ARMC9: variants seen among roughly 807,000 people sequenced by gnomAD.
ARMC9 encodes armadillo repeat containing 9.
A neutral mutation model predicts 107.0 loss-of-function variants in ARMC9; 94 were observed. The observed-to-expected ratio is 0.88, with a 90% CI of 0.74 to 1.04. The LOEUF (loss-of-function observed/expected upper bound fraction) is 1.04. Ranked by LOEUF, ARMC9 falls within the 50% of genes least tolerant of loss-of-function variation. ARMC9 has a pLI of 0.00. For synonymous variants in ARMC9, 380 were observed against 396.9 expected, an observed-to-expected ratio of 0.96 and a Z score of 0.51; for missense variants, 942 against 1,030.1, an observed-to-expected ratio of 0.91 and a Z score of 1.17.
At chr2:231,340,723 C>T (rs1464800771) in intron 20 of ARMC9, among the ~76,000 whole-genome samples, 1 of 151,986 alleles carries the variant, frequency 6.6e-6, no homozygotes, top group Non-Finnish European at 1.5e-5. Context: ...CCCGTCTCTA[C>T]TAAAAACACA....
chr2:231,278,337 C>T (rs373436971), intron 15 of ARMC9, 45 bp from the exon 16 acceptor site: 29 of 1,592,224 alleles, frequency 1.8e-5, no homozygotes, highest in Non-Finnish European at 2.5e-5. Flanking sequence ...AATTGTGCTT[C>T]TGGGTTTAGA....
chr2:231,209,174 G>T (rs61159016), intron 3 of ARMC9, among the ~76,000 whole-genome samples: 1 of 152,008 alleles, frequency 6.6e-6, no homozygotes, highest in Non-Finnish European at 1.5e-5. Flanking sequence ...AAGTGCTGAG[G>T]TTACAGATGT....
intron 11 of ARMC9, among the ~76,000 whole-genome samples, chr2:231,260,766 G>A (rs368813918): frequency 6.6e-6 from 1 of 152,192 alleles, no homozygotes; most frequent in East Asian, 1.9e-4. Context: ...TACTGACGCT[G>A]CACTTCCTCT....
At chr2:231,280,365 TG>T (rs1249737296) in intron 16 of ARMC9, among the ~76,000 whole-genome samples, 3 of 152,094 alleles carry the variant, frequency 2.0e-5, no homozygotes, top group Non-Finnish European at 4.4e-5. Flanking sequence ...GGCTGAGGCA[TG>T]AGAATCACTT....
intron 21 of ARMC9, among the ~76,000 whole-genome samples, chr2:231,345,818 T>C (rs576767383): frequency 1.0e-3 from 155 of 152,342 alleles, no homozygotes; most frequent in African/African-American, 3.7e-3. Flanking sequence ...TAAAAGAATA[T>C]ACCGTGTTTT....
chr2:231,300,106 T>G (rs749058001), intron 19 of ARMC9, among the ~76,000 whole-genome samples: 3 of 152,208 alleles, frequency 2.0e-5, no homozygotes, highest in Non-Finnish European at 4.4e-5. Flanking sequence ...ACAGCCAGTT[T>G]CCTTGTATGG....
intron 11 of ARMC9, among the ~76,000 whole-genome samples, chr2:231,261,665 A>T (rs55775943): frequency 2.6e-5 from 4 of 152,016 alleles, no homozygotes; most frequent in African/African-American, 9.7e-5. Context: ...TCCTGCAGGG[A>T]CCAGCTCCTG....
chr2:231,218,010 C>CA (rs529935446), intron 5 of ARMC9, among the ~76,000 whole-genome samples: 6 of 152,058 alleles, frequency 3.9e-5, no homozygotes, highest in Admixed American at 6.6e-5. Flanking sequence ...TTTTTGGAGA[C>CA]AGAGTCTCAT....
chr2:231,292,313 C>T (rs951543703), intron 18 of ARMC9, among the ~76,000 whole-genome samples: 1 of 152,090 alleles, frequency 6.6e-6, no homozygotes, highest in African/African-American at 2.4e-5. Flanking sequence ...TGTAAGTTCT[C>T]TTTATGTGGC....
intron 13 of ARMC9, among the ~76,000 whole-genome samples, chr2:231,272,187 G>GT (rs56201225): frequency 0.12 from 11,597 of 99,608 alleles, 1,067 homozygotes; most frequent in African/African-American, 0.26. Context: ...TGTGTGTTTG[G>GT]TTTTTTTTTT....
intron 19 of ARMC9, among the ~76,000 whole-genome samples, chr2:231,317,351 A>C (rs2042757237): frequency 6.6e-6 from 1 of 151,692 alleles, no homozygotes; most frequent in South Asian, 2.1e-4. Context: ...TTATATTTTT[A>C]GTCGAGGCAG....
intron 19 of ARMC9, among the ~76,000 whole-genome samples, chr2:231,328,830 T>TTTTTTTTTTTTTTTTTTTTTTTTTTG (rs1208039563): frequency 6.9e-6 from 1 of 144,762 alleles, no homozygotes; most frequent in African/African-American, 2.5e-5. Flanking sequence ...TTTTTTTTTT[T>TTTTTTTTTTTTTTTTTTTTTTTTTTG]TTGAGTCGGA....
intron 9 of ARMC9, among the ~76,000 whole-genome samples, chr2:231,252,664 T>A (rs1334797366): frequency 6.6e-6 from 1 of 152,134 alleles, no homozygotes; most frequent in East Asian, 1.9e-4. Flanking sequence ...TGATACAGGG[T>A]CTCACTCTGT....
chr2:231,366,900 G>A (rs78025964), intron 23 of ARMC9, among the ~76,000 whole-genome samples: 2,347 of 149,422 alleles, frequency 0.016, 177 homozygotes, highest in Admixed American at 0.11. Flanking sequence ...GCCCAGGCTA[G>A]AGTGCAGTGG....
intron 17 of ARMC9, among the ~76,000 whole-genome samples, chr2:231,283,300 T>C (rs1380533987): frequency 1.3e-5 from 2 of 152,046 alleles, no homozygotes; most frequent in Non-Finnish European, 2.9e-5. Flanking sequence ...AATGAAGACA[T>C]GGTGAAAAAT....
chr2:231,350,553 T>A (rs953912508), intron 21 of ARMC9, among the ~76,000 whole-genome samples: 3 of 149,910 alleles, frequency 2.0e-5, no homozygotes, highest in Admixed American at 6.7e-5. Context: ...GTCCCAGAGG[T>A]CGTGGCTGCA....
chr2:231,284,324 A>G (rs2040430157), intron 17 of ARMC9, among the ~76,000 whole-genome samples: 1 of 152,248 alleles, frequency 6.6e-6, no homozygotes, highest in East Asian at 1.9e-4. Context: ...CAATAATGAC[A>G]TCATCTCACA....
At chr2:231,363,055 A>G (rs1205855126) in intron 23 of ARMC9, among the ~76,000 whole-genome samples, 2 of 152,074 alleles carry the variant, frequency 1.3e-5, no homozygotes, top group Non-Finnish European at 2.9e-5. Flanking sequence ...GGCTGCAGGG[A>G]GTGTGCACAG....
rs868307634 is a variant in ARMC9 at position 231,296,227 on chromosome 2, G to A, written c.1747G>A (p.Asp583Asn). 1 of 1,613,074 alleles carries A rather than the reference G, an allele frequency of 6.2e-7. No individual in the cohort carries two copies. The highest frequency in any genetic ancestry group is 1.6e-4 in the Middle Eastern group (1 of 6,062). Residue 583 changes from aspartate to asparagine, a missense_variant, in exon 19 of 25, where the codon GAT (aspartate) becomes AAT (asparagine). Transcript: ENST00000611582. ...GCTACCAGATGGTGTTCTTGAATCT[G>A]ATGATGATGAAGATGAAGATGATGA... ...EELPDGVLES[D>N]DDEDEDDEED...
Sources: gnomAD v4.1 joint callset for allele counts (sites outside exome capture counted in the v4.1 genomes callset) on GRCh38, gnomAD v4.1.1 for gene constraint, MANE v1.5 for transcripts, NCBI Gene and HGNC (gene_info 2026-07-23, HGNC 2026-07-21) for gene names.